TFEC: variants seen among roughly 807,000 people sequenced by gnomAD.
TFEC encodes the protein transcription factor EC.
In TFEC, 31 loss-of-function variants were observed where a neutral mutation model predicts 41.6. The ratio of observed to expected loss-of-function variants is 0.74; its 90% CI spans 0.56 to 1.01. The LOEUF is 1.01. Ranked by LOEUF, TFEC falls within the 50% of genes least tolerant of loss-of-function variation. The pLI is 0.00. For missense variants in TFEC, 402 were observed against 404.1 expected (o/e 0.99, Z 0.04); for synonymous variants, 143 against 140.6 (o/e 1.02, Z -0.12).
chr7:115,976,105 T>C (rs1224623503), intron 2 of TFEC, among the ~76,000 whole-genome samples: 1 of 152,132 alleles, frequency 6.6e-6, no homozygotes, highest in Admixed American at 6.6e-5. Context: ...AAATGAAATT[T>C]TAATTTCATT....
intron 3 of TFEC, among the ~76,000 whole-genome samples, chr7:116,109,261 G>T (rs1797793408): frequency 6.6e-6 from 1 of 152,064 alleles, no homozygotes; most frequent in African/African-American, 2.4e-5. Context: ...CACAGCAAAA[G>T]AAACTACCAT....
In TFEC at chr7:116,131,583, G is replaced by C. The variant is rs147826722; in HGVS notation, c.-68-19545C>G. Reference sequence around the variant, plus strand: ...ACTGCATACAAAATATTGCCTCATAGAAAGAGTCCTCAAAAATAAATAAGA... The same window carrying C: ...ACTGCATACAAAATATTGCCTCATACAAAGAGTCCTCAAAAATAAATAAGA... On this transcript the variant is annotated intron_variant, in intron 1 of 8. Coordinates refer to the TFEC transcript ENST00000484212. Among the ~76,000 whole-genome samples, 13 of 152,014 alleles carry C rather than the reference G, an allele frequency of 8.6e-5. No individual in the cohort carries two copies. In the East Asian group the frequency reaches 2.5e-3, roughly 29 times the overall value.
chr7:116,127,169 C>T (rs1388494202), intron 1 of TFEC, among the ~76,000 whole-genome samples: 3 of 151,620 alleles, frequency 2.0e-5, no homozygotes, highest in Non-Finnish European at 4.4e-5. Flanking sequence ...GATCTCGGTT[C>T]ACTGCAAGCT....
At position 116,072,855 on chromosome 7, in the gene TFEC, T is replaced by C. The variant is rs376420018; in HGVS notation, c.198+37853A>G. Among the ~76,000 whole-genome samples the C allele has an allele frequency of 4.0e-5, 6 of 151,638 alleles. 1 individual carries two copies. Among genetic ancestry groups the C allele is most frequent in the African/African-American group, 1.2e-4 (5 of 41,512 alleles). ...TATCTATGAAAAAACACAGTTAAGA[T>C]GATACTTAATGATGAAAAACTGGAT... is the stretch of plus-strand genomic sequence containing the variant. On this transcript the variant is annotated intron_variant, in intron 3 of 8. Coordinates refer to the TFEC transcript ENST00000484212.
chr7:116,097,396 TAAC>T (rs755357933), intron 3 of TFEC, among the ~76,000 whole-genome samples: 47 of 152,180 alleles, frequency 3.1e-4, no homozygotes, highest in Non-Finnish European at 5.3e-4. Context: ...AGTCAGATAT[TAAC>T]AACAACATAA....
intron 3 of TFEC, among the ~76,000 whole-genome samples, chr7:115,967,983 AT>A (rs1020133133): frequency 6.6e-6 from 1 of 151,778 alleles, no homozygotes; most frequent in African/African-American, 2.4e-5. Context: ...TACTGTTATA[AT>A]TTTTTACTAT....
At chr7:115,942,132 G>A (rs955640737) in intron 6 of TFEC, 92 bp from the exon 7 acceptor site, 26 of 1,300,954 alleles carry the variant, frequency 2.0e-5, no homozygotes, top group Non-Finnish European at 2.6e-5. Context: ...ATGAAATAAT[G>A]ATTTACATGA....
chr7:115,942,976 A>C (rs1449973071), intron 6 of TFEC, among the ~76,000 whole-genome samples: 1 of 152,046 alleles, frequency 6.6e-6, no homozygotes, highest in Non-Finnish European at 1.5e-5. Flanking sequence ...ATATAGCATA[A>C]AGTACACAGG....
intron 3 of TFEC, among the ~76,000 whole-genome samples, chr7:116,077,708 A>G (rs566453860): frequency 1.3e-5 from 2 of 152,230 alleles, no homozygotes; most frequent in East Asian, 3.9e-4. Flanking sequence ...TAAATGGACT[A>G]GTTCAACAGG....
intron 3 of TFEC, among the ~76,000 whole-genome samples, chr7:116,054,880 CA>C (rs1408510562): frequency 6.6e-6 from 1 of 152,034 alleles, no homozygotes; most frequent in East Asian, 1.9e-4. Flanking sequence ...TTTAAGCAAA[CA>C]GAGCAATGAA....
chr7:116,041,638 C>A (rs1796039172), intron 3 of TFEC, among the ~76,000 whole-genome samples: 1 of 152,166 alleles, frequency 6.6e-6, no homozygotes, highest in Non-Finnish European at 1.5e-5. Context: ...AGAAGTAATT[C>A]TCTTCTCCTG....
At chr7:115,966,745 T>C (rs540717961) in intron 3 of TFEC, among the ~76,000 whole-genome samples, 2 of 151,824 alleles carry the variant, frequency 1.3e-5, no homozygotes, top group South Asian at 4.1e-4. Context: ...TTACAAGGCA[T>C]TGGATTTAAT....
chr7:116,087,257 T>A (rs1797223003), intron 3 of TFEC, among the ~76,000 whole-genome samples: 1 of 152,046 alleles, frequency 6.6e-6, no homozygotes, highest in Non-Finnish European at 1.5e-5. Context: ...TTAAATATTT[T>A]ACTAGAGCAT....
chr7:116,157,042 A>G (rs910969506), intron 1 of TFEC, among the ~76,000 whole-genome samples: 1 of 152,178 alleles, frequency 6.6e-6, no homozygotes, highest in African/African-American at 2.4e-5. Context: ...ACTTCCAATC[A>G]CAGCAAGAGT....
chr7:116,112,174 C>A, intron 1 of TFEC: 1 of 243,526 alleles, frequency 4.1e-6, no homozygotes, highest in Non-Finnish European at 6.6e-6. Context: ...GCATCTTATA[C>A]ACAACAGGAC....
chr7:115,995,299 C>T (rs571769801), intron 1 of TFEC, among the ~76,000 whole-genome samples: 2 of 151,652 alleles, frequency 1.3e-5, no homozygotes, highest in South Asian at 4.2e-4. Context: ...ACATATGTAA[C>T]AAACCTGCAC....
At chr7:116,013,926 G>A (rs186787454) in intron 1 of TFEC, among the ~76,000 whole-genome samples, 250 of 152,148 alleles carry the variant, frequency 1.6e-3, no homozygotes, top group African/African-American at 5.7e-3. Context: ...TCTTCATACA[G>A]TACAGGACAA....
chr7:116,051,113 C>CAG (rs2130955687), intron 3 of TFEC, among the ~76,000 whole-genome samples: 1 of 151,772 alleles, frequency 6.6e-6, no homozygotes, highest in Admixed American at 6.6e-5. Context: ...CACTTGGATG[C>CAG]AGGGTGGGGA....
At chr7:115,976,350 C>T (rs767665599) in intron 2 of TFEC, among the ~76,000 whole-genome samples, 5 of 151,950 alleles carry the variant, frequency 3.3e-5, no homozygotes, top group Non-Finnish European at 7.4e-5. Flanking sequence ...ATGTGAACCC[C>T]GGAGGCAGAG....
Sources: allele counts gnomAD v4.1 joint callset (sites outside exome capture counted in the v4.1 genomes callset), GRCh38; gene constraint gnomAD v4.1.1; transcripts MANE v1.5; gene names NCBI Gene and HGNC (gene_info 2026-07-23, HGNC 2026-07-21).